FAM135B: variants seen among roughly 807,000 people sequenced by gnomAD.
FAM135B encodes protein FAM135B.
FAM135B carries 43 observed loss-of-function variants against 127.7 expected under a neutral mutation model. The ratio of observed to expected loss-of-function variants is 0.34; its 90% confidence interval spans 0.26 to 0.43. FAM135B has a LOEUF of 0.43. Among genes scored for constraint, FAM135B ranks in the 20% least tolerant of loss-of-function variants. The pLI is 1.00. For missense variants in FAM135B, 1,558 were observed against 1,725.6 expected (o/e 0.90, Z 1.72); for synonymous variants, 670 against 665.1 (o/e 1.01, Z -0.11).
At chr8:138,183,210 G>A (rs1360349206) in intron 9 of FAM135B, among the ~76,000 whole-genome samples, 4 of 152,168 alleles carry the variant, frequency 2.6e-5, no homozygotes, top group South Asian at 2.1e-4. Flanking sequence ...AAATTTTAAT[G>A]TACTTAATTA....
intron 1 of FAM135B, among the ~76,000 whole-genome samples, chr8:138,434,857 G>A (rs1247744897): frequency 6.6e-6 from 1 of 152,154 alleles, no homozygotes. Context: ...TAATAACAGT[G>A]ACACCAGTCA....
In FAM135B at chr8:138,332,244, C is replaced by T. The variant is rs192173716; in HGVS notation, c.78-21324G>A. On this transcript the variant is annotated intron_variant, in intron 2 of 19. Coordinates refer to ENST00000395297, the MANE Select transcript of FAM135B (RefSeq NM_015912.4). ...GACCAGGTAAGGCTATGTGGACACC[C>T]GCTTCTTCATGAGCCAATTTCCATG... Among the ~76,000 whole-genome samples, 9 of 152,182 alleles carry T rather than the reference C, an allele frequency of 5.9e-5. No individual in the cohort carries two copies. The East Asian group carries it at 7.8e-4, about 13-fold the overall frequency.
chr8:138,133,573 G>A (rs1281887402), intron 19 of FAM135B, among the ~76,000 whole-genome samples: 1 of 152,188 alleles, frequency 6.6e-6, no homozygotes, highest in Non-Finnish European at 1.5e-5. Flanking sequence ...TTGACCAACT[G>A]GGGAGACAGT....
chr8:138,421,576 A>C (rs1834512698), intron 1 of FAM135B, among the ~76,000 whole-genome samples: 1 of 152,182 alleles, frequency 6.6e-6, no homozygotes, highest in South Asian at 2.1e-4. Flanking sequence ...AATACAGCTA[A>C]CCAGGGATGT....
At chr8:138,403,787 T>C (rs1416374777) in intron 1 of FAM135B, among the ~76,000 whole-genome samples, 1 of 152,212 alleles carries the variant, frequency 6.6e-6, no homozygotes, top group Non-Finnish European at 1.5e-5. Context: ...CAGTGTTTCA[T>C]GCAGCAAATT....
chr8:138,410,296 G>A (rs1420665258), intron 1 of FAM135B, among the ~76,000 whole-genome samples: 1 of 152,192 alleles, frequency 6.6e-6, no homozygotes, highest in African/African-American at 2.4e-5. Flanking sequence ...GTAGCAGGCT[G>A]CTTCTAAGAT....
rs1820845556 is a variant in FAM135B at position 138,242,165 on chromosome 8, T to TTC, written c.669+776_669+777insGA. Among the ~76,000 whole-genome samples the TTC allele has an allele frequency of 7.7e-6, 1 of 129,994 alleles. No homozygotes were observed. Among genetic ancestry groups the TTC allele is most frequent in the Admixed American group, 8.1e-5 (1 of 12,276 alleles). The allele number at this position is 129,994 out of a possible 152,430, so 85.3% of individuals were successfully genotyped here. Reference sequence around the variant, plus strand: ...AGTCAATTACTTATGATAAATCTCTTTGTGTGTGTGTGTGTGTGTGTGTGT... The same window carrying TTC: ...AGTCAATTACTTATGATAAATCTCTTTCTGTGTGTGTGTGTGTGTGTGTGTGT... On this transcript the variant is annotated intron_variant, in intron 7 of 19. Coordinates refer to ENST00000395297, the MANE Select transcript of FAM135B (RefSeq NM_015912.4). The surrounding 1 kb of genome is among the most constrained non-coding windows in gnomAD (Gnocchi z 9.6).
At chr8:138,179,415 T>C (rs965726751) in intron 9 of FAM135B, among the ~76,000 whole-genome samples, 5 of 152,204 alleles carry the variant, frequency 3.3e-5, no homozygotes, top group African/African-American at 1.2e-4. Flanking sequence ...TCCTGCCAGA[T>C]ACCCTTTGGT....
chr8:138,204,411 C>T (rs575105977), intron 7 of FAM135B, among the ~76,000 whole-genome samples: 1 of 152,248 alleles, frequency 6.6e-6, no homozygotes, highest in African/African-American at 2.4e-5. Context: ...AGTAAAAAGA[C>T]ATTTTTACTT....
Position 138,243,055 on chromosome 8 carries a change from C to G in FAM135B, c.556G>C (p.Gly186Arg), listed in dbSNP as rs2130386946. The change falls in exon 7 of 20, where the codon GGA (glycine) becomes CGA (arginine). Residue 186 changes from glycine (G) to arginine (R), a missense_variant. Around this residue, in one of 5 missense-constraint regions of FAM135B, gnomAD observed 199 missense variants for 245.7 expected, o/e 0.81. Transcript: ENST00000395297. This position sits in a 1 kb window ranked among gnomAD's most constrained non-coding sequence, Gnocchi z 7.5. Reference sequence around the variant, plus strand: ...CCTTTACCAAGCCAGGAGCCTCTTCCTGGACGAGTAAAACTAAACAAAAGA... The same window carrying G: ...CCTTTACCAAGCCAGGAGCCTCTTCGTGGACGAGTAAAACTAAACAAAAGA... ...QQPLISFTRP[G>R]RGSWLGKGGP... 1 of 1,609,656 alleles carries G rather than the reference C, an allele frequency of 6.2e-7. No individual in the cohort carries two copies. Among genetic ancestry groups the G allele is most frequent in the Non-Finnish European group, 8.5e-7 (1 of 1,178,754 alleles).
At chr8:138,175,681 C>T (rs978682799) in intron 11 of FAM135B, among the ~76,000 whole-genome samples, 1 of 151,884 alleles carries the variant, frequency 6.6e-6, no homozygotes, top group Admixed American at 6.6e-5. Context: ...TCTGTTTTTC[C>T]TCTTCTGAAA....
chr8:138,289,471 C>T (rs897864481), intron 3 of FAM135B, among the ~76,000 whole-genome samples: 1 of 152,194 alleles, frequency 6.6e-6, no homozygotes, highest in African/African-American at 2.4e-5. Flanking sequence ...GCTTTAGCCC[C>T]AAAGCTGTGG....
chr8:138,238,001 A>T (rs1430929706), intron 7 of FAM135B, among the ~76,000 whole-genome samples: 4 of 152,214 alleles, frequency 2.6e-5, no homozygotes, highest in Non-Finnish European at 5.9e-5. Context: ...TAAAAGCAGC[A>T]CACAAAAGGC....
intron 1 of FAM135B, among the ~76,000 whole-genome samples, chr8:138,371,241 A>G (rs1831094085): frequency 6.6e-6 from 1 of 152,180 alleles, no homozygotes; most frequent in African/African-American, 2.4e-5. Context: ...CAGTAGGGAG[A>G]CAGCATTCAA....
intron 9 of FAM135B, among the ~76,000 whole-genome samples, chr8:138,189,567 CT>C (rs1402705295): frequency 6.6e-6 from 1 of 152,208 alleles, no homozygotes; most frequent in Non-Finnish European, 1.5e-5. Flanking sequence ...CCTTCTGGGA[CT>C]TTGGGGGTCA....
chr8:138,144,320 A>C (rs1360177669), intron 15 of FAM135B: 1 of 152,246 alleles, frequency 6.6e-6, no homozygotes. Context: ...CTGAGGCAGG[A>C]GAATCGCCTG....
At chr8:138,403,964 A>C (rs7829591) in intron 1 of FAM135B, among the ~76,000 whole-genome samples, 60,668 of 151,986 alleles carry the variant, frequency 0.4, 12,582 homozygotes, top group African/African-American at 0.52. Context: ...ATGAATAGGG[A>C]AGTACTTGCA....
At chr8:138,158,707 G>T (rs1819038257) in intron 12 of FAM135B, among the ~76,000 whole-genome samples, 2 of 152,150 alleles carry the variant, frequency 1.3e-5, no homozygotes, top group Admixed American at 1.3e-4. Flanking sequence ...ATCATCACTG[G>T]CCATCAGAGA....
intron 3 of FAM135B, among the ~76,000 whole-genome samples, chr8:138,279,882 G>T (rs761093067): frequency 2.6e-5 from 4 of 152,152 alleles, no homozygotes; most frequent in Non-Finnish European, 4.4e-5. Flanking sequence ...AAATAAAATA[G>T]ATGCTCAAAA....
Sources: allele counts gnomAD v4.1 joint callset (sites outside exome capture counted in the v4.1 genomes callset), GRCh38; gene constraint gnomAD v4.1.1; regional missense constraint gnomAD v4.1.1; non-coding constraint Gnocchi (gnomAD v3.1); transcripts MANE v1.5; gene names NCBI Gene and HGNC (gene_info 2026-07-23, HGNC 2026-07-21).